GAS7: variants seen among roughly 807,000 people sequenced by gnomAD.
GAS7 encodes growth arrest specific 7, also known as growth arrest-specific protein 7.
A neutral mutation model predicts 71.1 loss-of-function variants in GAS7; 28 were observed. The observed-to-expected ratio is 0.39, with a 90% CI of 0.29 to 0.54. The LOEUF is 0.54. GAS7 is among the 20% of genes least tolerant of loss of function. GAS7 has a pLI of 0.62. For missense variants in GAS7, 436 were observed against 627.8 expected, an observed-to-expected ratio of 0.69 and a Z score of 3.27; for synonymous variants, 258 against 245.8, an observed-to-expected ratio of 1.05 and a Z score of -0.46.
In GAS7 at chr17:9,925,734, G is replaced by A. The variant is rs148614135; in HGVS notation, c.1015-135C>T. The A allele has an allele frequency of 1.7e-3, 1,520 of 910,870 alleles. 6 individuals are homozygous for A. The highest frequency in any genetic ancestry group is 2.3e-3 in the Non-Finnish European group (1,378 of 601,172). 56.4% of individuals were successfully genotyped at this position (910,870 alleles called of 1,614,324 possible). ...GATGATGCCACAGTGGTCCAGAGAG[G>A]CCCAGCAGCCAGAGTGGCACCACCC... On this transcript the variant is annotated intron_variant, in intron 10 of 13. Coordinates refer to ENST00000432992, the MANE Select transcript of GAS7 (RefSeq NM_201433.2).
intron 1 of GAS7, among the ~76,000 whole-genome samples, chr17:10,178,910 C>A (rs1044274627): frequency 2.6e-5 from 4 of 151,830 alleles, no homozygotes; most frequent in African/African-American, 9.7e-5. Flanking sequence ...CTACAACCAC[C>A]ACCTTGGAGG....
At chr17:9,954,672 T>C (rs1292694443) in intron 5 of GAS7, among the ~76,000 whole-genome samples, 2 of 152,006 alleles carry the variant, frequency 1.3e-5, no homozygotes. Flanking sequence ...CACAGCTGTG[T>C]GGGGTCGAGG....
intron 1 of GAS7, among the ~76,000 whole-genome samples, chr17:10,113,783 G>A (rs1157937938): frequency 1.3e-5 from 2 of 152,170 alleles, no homozygotes; most frequent in Non-Finnish European, 2.9e-5. Context: ...GGACAGGGAT[G>A]GGAAGGAGAC....
chr17:10,005,480 T>C (rs532317256), intron 2 of GAS7, among the ~76,000 whole-genome samples: 160 of 148,506 alleles, frequency 1.1e-3, no homozygotes, highest in Admixed American at 1.9e-3. Context: ...GGAAAACACA[T>C]GCATGAAGCC....
intron 1 of GAS7, among the ~76,000 whole-genome samples, chr17:10,189,807 C>T (rs975373899): frequency 3.3e-5 from 5 of 151,910 alleles, no homozygotes; most frequent in Admixed American, 3.3e-4. Context: ...GCTGTGGTGG[C>T]GGGTGCCTAT....
chr17:10,084,493 T>C (rs2073494927), intron 1 of GAS7, among the ~76,000 whole-genome samples: 1 of 152,062 alleles, frequency 6.6e-6, no homozygotes, highest in Non-Finnish European at 1.5e-5. Context: ...TGAGACAAAG[T>C]CTCGCTCTTG....
intron 1 of GAS7, among the ~76,000 whole-genome samples, chr17:10,135,423 A>G (rs2074030638): frequency 6.6e-6 from 1 of 152,188 alleles, no homozygotes; most frequent in Admixed American, 6.5e-5. Context: ...GACCTCTGCA[A>G]TGTTGTCCCT....
chr17:9,993,350 G>A (rs1483356449), intron 2 of GAS7, among the ~76,000 whole-genome samples: 1 of 152,128 alleles, frequency 6.6e-6, no homozygotes, highest in Non-Finnish European at 1.5e-5. Flanking sequence ...TTTCTCTGAT[G>A]GCCAGTGATG....
chr17:9,937,077 G>A (rs776804818), intron 8 of GAS7, among the ~76,000 whole-genome samples: 5 of 152,238 alleles, frequency 3.3e-5, no homozygotes, highest in East Asian at 3.8e-4. Flanking sequence ...GTCTTTGCAC[G>A]TTGTACGTAG....
At chr17:10,160,234 TA>T (rs1352484420) in intron 1 of GAS7, among the ~76,000 whole-genome samples, 1 of 152,132 alleles carries the variant, frequency 6.6e-6, no homozygotes, top group Non-Finnish European at 1.5e-5. Context: ...GTATGTAGGT[TA>T]CACTTCAACT....
At chr17:10,191,874 CAAAAAA>C (rs11303007) in intron 1 of GAS7, among the ~76,000 whole-genome samples, 1 of 110,404 alleles carries the variant, frequency 9.1e-6, no homozygotes, top group Non-Finnish European at 1.9e-5. Context: ...GACTCCATCT[CAAAAAA>C]AAAAAAAAAA....
At chr17:10,164,764 A>C (rs1306929542) in intron 1 of GAS7, among the ~76,000 whole-genome samples, 3 of 151,508 alleles carry the variant, frequency 2.0e-5, no homozygotes, top group African/African-American at 7.3e-5. Flanking sequence ...AGACTGAAGC[A>C]GAAGGATTGC....
intron 1 of GAS7, among the ~76,000 whole-genome samples, chr17:10,140,111 A>G (rs2074068465): frequency 6.6e-6 from 1 of 152,162 alleles, no homozygotes; most frequent in Non-Finnish European, 1.5e-5. Flanking sequence ...AGCCCAACAG[A>G]GACTACTTAG....
chr17:10,185,961 T>G (rs907492075), intron 1 of GAS7, among the ~76,000 whole-genome samples: 1 of 147,830 alleles, frequency 6.8e-6, no homozygotes, highest in African/African-American at 2.5e-5. Flanking sequence ...TTTTTTTTTT[T>G]TTTTTTTTTT....
intron 2 of GAS7, among the ~76,000 whole-genome samples, chr17:10,002,953 A>G (rs2071329662): frequency 6.6e-6 from 1 of 152,212 alleles, no homozygotes; most frequent in East Asian, 1.9e-4. Context: ...GTCAAATGGT[A>G]TTTCTAGTTC....
chr17:10,198,035 G>A (rs1185648026), intron 1 of GAS7, among the ~76,000 whole-genome samples, 173 bp downstream of exon 1: 1 of 152,138 alleles, frequency 6.6e-6, no homozygotes, highest in Non-Finnish European at 1.5e-5. Flanking sequence ...AGGGGCGCCC[G>A]CTGCCGTCGC....
chr17:10,091,391 TTTTG>T (rs749888054), intron 1 of GAS7, among the ~76,000 whole-genome samples: 5 of 151,698 alleles, frequency 3.3e-5, no homozygotes, highest in Non-Finnish European at 5.9e-5. Flanking sequence ...CTTTTTTGGG[TTTTG>T]TTTGTTTGTT....
At chr17:10,077,748 A>C (rs916509967) in intron 1 of GAS7, among the ~76,000 whole-genome samples, 2 of 152,254 alleles carry the variant, frequency 1.3e-5, no homozygotes, top group African/African-American at 4.8e-5. Context: ...TACATACTGC[A>C]GATTAAGATC....
At chr17:10,143,438 A>T (rs893449748) in intron 1 of GAS7, among the ~76,000 whole-genome samples, 1 of 152,014 alleles carries the variant, frequency 6.6e-6, no homozygotes, top group Non-Finnish European at 1.5e-5. Flanking sequence ...GCTACTCAGA[A>T]GGCTGAGGCA....
Sources: gnomAD v4.1 joint callset for allele counts (sites outside exome capture counted in the v4.1 genomes callset) on GRCh38, gnomAD v4.1.1 for gene constraint, MANE v1.5 for transcripts, NCBI Gene and HGNC (gene_info 2026-07-23, HGNC 2026-07-21) for gene names.